SLC20A2: variants seen among roughly 807,000 people sequenced by gnomAD.
SLC20A2 encodes the protein solute carrier family 20 member 2, also known as sodium-dependent phosphate transporter 2.
In SLC20A2, 30 loss-of-function variants were observed where a neutral mutation model predicts 61.0. The observed-to-expected ratio is 0.49, with a 90% CI of 0.37 to 0.67. The LOEUF (loss-of-function observed/expected upper bound fraction) is 0.67. Among genes scored for constraint, SLC20A2 ranks in the 30% least tolerant of loss-of-function variants. SLC20A2 has a pLI of 0.00. For missense variants in SLC20A2, 626 were observed against 866.4 expected, an observed-to-expected ratio of 0.72 and a Z score of 3.48; for synonymous variants, 351 against 353.3, an observed-to-expected ratio of 0.99 and a Z score of 0.07.
rs535154509 is a variant in SLC20A2 at position 42,450,846 on chromosome 8, G to A, written c.614-6084C>T. On this transcript the variant is annotated intron_variant, in intron 5 of 10. Transcript: ENST00000520262. ...GCTGGTACCAACTTTTTCAAACCAG[G>A]GTACATTTGTAATAATTTTGAAAAT... 2.0e-5 allele frequency among the ~76,000 whole-genome samples: 3 copies of A among 152,150 alleles called. No homozygotes were observed. The South Asian group carries it at 6.2e-4, about 32-fold the overall frequency.
intron 1 of SLC20A2, among the ~76,000 whole-genome samples, chr8:42,530,716 G>C (rs1812264593): frequency 6.6e-6 from 1 of 152,066 alleles, no homozygotes. Flanking sequence ...AATATGGTTA[G>C]TATTTTGGGT....
At chr8:42,494,156 T>C (rs1267272621) in intron 1 of SLC20A2, among the ~76,000 whole-genome samples, 1 of 151,976 alleles carries the variant, frequency 6.6e-6, no homozygotes, top group Non-Finnish European at 1.5e-5. Flanking sequence ...AATAATAATA[T>C]GTGCTCATAA....
chr8:42,438,245 C>A (rs1012856523), intron 7 of SLC20A2, among the ~76,000 whole-genome samples: 1 of 152,080 alleles, frequency 6.6e-6, no homozygotes, highest in African/African-American at 2.4e-5. Flanking sequence ...TTAAGAAACT[C>A]ATCTTAGAGA....
At chr8:42,493,895 A>T (rs1478767853) in intron 1 of SLC20A2, among the ~76,000 whole-genome samples, 2 of 152,206 alleles carry the variant, frequency 1.3e-5, no homozygotes, top group Non-Finnish European at 2.9e-5. Flanking sequence ...CTGTAATCCC[A>T]GCACTTTGGG....
At chr8:42,483,261 C>T (rs1192840281) in intron 1 of SLC20A2, among the ~76,000 whole-genome samples, 3 of 151,800 alleles carry the variant, frequency 2.0e-5, no homozygotes, top group Non-Finnish European at 4.4e-5. Flanking sequence ...ATCCCACCTA[C>T]CAGGGAGGCT....
chr8:42,513,994 G>A (rs146660701), intron 1 of SLC20A2, among the ~76,000 whole-genome samples: 41 of 152,298 alleles, frequency 2.7e-4, no homozygotes, highest in Non-Finnish European at 4.6e-4. Flanking sequence ...AGAAGAGGTA[G>A]AAGATTAGGT....
At chr8:42,425,612 A>T (rs1268905804) in intron 10 of SLC20A2, among the ~76,000 whole-genome samples, 6 of 152,220 alleles carry the variant, frequency 3.9e-5, no homozygotes, top group Non-Finnish European at 8.8e-5. Context: ...GATCAATGAT[A>T]TCGGACAAAC....
chr8:42,476,952 C>G (rs1808160893), intron 1 of SLC20A2, among the ~76,000 whole-genome samples: 1 of 152,226 alleles, frequency 6.6e-6, no homozygotes, highest in Non-Finnish European at 1.5e-5. Context: ...ACCGTGGGGA[C>G]TGTGGCAGAT....
At chr8:42,505,026 C>T (rs897550976), upstream of SLC20A2, among the ~76,000 whole-genome samples, 14 of 151,546 alleles carry the variant, frequency 9.2e-5, no homozygotes, top group South Asian at 6.3e-4. Context: ...AGTATGAAGA[C>T]GCAGTTTATG....
intron 1 of SLC20A2, among the ~76,000 whole-genome samples, chr8:42,488,289 G>A (rs1446789208): frequency 7.7e-5 from 11 of 143,706 alleles, no homozygotes; most frequent in South Asian, 4.5e-4. Flanking sequence ...GGGTTCGACC[G>A]ATTCTCCTGC....
chr8:42,469,063 T>C (rs1417096639), intron 2 of SLC20A2, among the ~76,000 whole-genome samples: 1 of 151,778 alleles, frequency 6.6e-6, no homozygotes, highest in Non-Finnish European at 1.5e-5. Flanking sequence ...TGGGGAGAAG[T>C]GACTAACAGA....
intron 10 of SLC20A2, among the ~76,000 whole-genome samples, chr8:42,424,798 C>G (rs1337053339): frequency 6.6e-6 from 1 of 152,176 alleles, no homozygotes; most frequent in Non-Finnish European, 1.5e-5. Context: ...GTAATTCCAG[C>G]ACTTTGGGAG....
intron 7 of SLC20A2, among the ~76,000 whole-genome samples, chr8:42,438,076 A>AAAC (rs1804472805): frequency 7.0e-6 from 1 of 143,300 alleles, no homozygotes; most frequent in African/African-American, 2.5e-5. Flanking sequence ...AAAAAAAAAA[A>AAAC]AAAAAAAAAA....
intron 1 of SLC20A2, among the ~76,000 whole-genome samples, chr8:42,476,209 G>A (rs200137073): frequency 2.1e-5 from 3 of 145,544 alleles, no homozygotes; most frequent in African/African-American, 7.6e-5. Context: ...CCATTCTCCT[G>A]CCTCAGCCTC....
At chr8:42,522,451 C>A (rs1968670) in intron 1 of SLC20A2, among the ~76,000 whole-genome samples, 1 of 120,428 alleles carries the variant, frequency 8.3e-6, no homozygotes, top group East Asian at 2.7e-4. Context: ...GGGGCCGAGG[C>A]GGGTGGATCA....
chr8:42,467,211 G>T (rs1256194996), intron 2 of SLC20A2, among the ~76,000 whole-genome samples: 1 of 152,218 alleles, frequency 6.6e-6, no homozygotes, highest in Non-Finnish European at 1.5e-5. Flanking sequence ...TACCCAGAAT[G>T]TTGGACTTTT....
At chr8:42,469,431 C>T (rs1014725600) in intron 2 of SLC20A2, among the ~76,000 whole-genome samples, 1 of 152,080 alleles carries the variant, frequency 6.6e-6, no homozygotes, top group Admixed American at 6.5e-5. Context: ...GGTAAGTATC[C>T]TTCATTCTTT....
At position 42,454,390 on chromosome 8, in the gene SLC20A2, C is replaced by A. The variant is rs117461366; in HGVS notation, c.613+5506G>T. On this transcript the variant is annotated intron_variant, in intron 5 of 10. Transcript: ENST00000520262. ...TATGAAGCATTGATTATGTGCCGGG[C>A]ACTGTGCCAGGTACCCCACCTTCAT... is the stretch of plus-strand genomic sequence containing the variant. Among the ~76,000 whole-genome samples the A allele has an allele frequency of 8.0e-4, 122 of 152,296 alleles. 1 individual carries two copies. The East Asian group carries it at 0.017, about 21-fold the overall frequency.
chr8:42,481,281 G>A (rs574867897), intron 1 of SLC20A2, among the ~76,000 whole-genome samples: 2 of 152,148 alleles, frequency 1.3e-5, no homozygotes, highest in South Asian at 2.1e-4. Flanking sequence ...ACGTGGCTGC[G>A]TCACTGAAAG....
Sources: allele counts gnomAD v4.1 joint callset (sites outside exome capture counted in the v4.1 genomes callset), GRCh38; gene constraint gnomAD v4.1.1; transcripts MANE v1.5; gene names NCBI Gene and HGNC (gene_info 2026-07-23, HGNC 2026-07-21).